RGS11: variants seen among roughly 807,000 people sequenced by gnomAD.
The protein encoded by RGS11 is regulator of G protein signaling 11.
A neutral mutation model predicts 71.1 loss-of-function variants in RGS11; 86 were observed. That is an observed-to-expected ratio of 1.21 (90% CI 1.02 to 1.45). The LOEUF (loss-of-function observed/expected upper bound fraction) is 1.45. Among genes scored for constraint, RGS11 ranks in the 40% most tolerant of loss-of-function variants. The pLI, the probability that RGS11 is intolerant of heterozygous loss-of-function variation, is 0.00. For missense variants in RGS11, 734 were observed against 635.1 expected, an observed-to-expected ratio of 1.16 and a Z score of -1.67; for synonymous variants, 298 against 254.2, an observed-to-expected ratio of 1.17 and a Z score of -1.64.
intron 9 of RGS11, chr16:272,135 C>T: frequency 1.8e-6 from 2 of 1,141,466 alleles, no homozygotes; most frequent in South Asian, 3.8e-5. Flanking sequence ...CGCGCCCGGC[C>T]TAATATGTCA....
rs1358356666 is a variant in RGS11 at position 272,727 on chromosome 16, G to A, written c.657+136C>T. The A allele has an allele frequency of 1.9e-5, 29 of 1,495,966 alleles. No homozygotes were observed. The South Asian group carries it at 2.6e-4, about 13-fold the overall frequency. The allele number at this position is 1,495,966 out of a possible 1,614,324, so 92.7% of individuals were successfully genotyped here. ...AACAGGGAGTGACCGGGAGTGAGCAGGGGCTTGGGGAGGCTGCACCAAGTG... is the reference window on the plus strand; with the variant it reads ...AACAGGGAGTGACCGGGAGTGAGCAAGGGCTTGGGGAGGCTGCACCAAGTG... On this transcript the variant is annotated intron_variant, in intron 9 of 16. Transcript: ENST00000397770.
intron 7 of RGS11, 34 bp from the exon 8 acceptor site, chr16:273,590 T>G (rs1567239457): frequency 1.9e-5 from 29 of 1,542,316 alleles, no homozygotes; most frequent in Non-Finnish European, 2.5e-5. Context: ...GGGCACGCCC[T>G]GCACACAGCA....
At chr16:272,489 C>T in intron 9 of RGS11, 8 of 1,348,158 alleles carry the variant, frequency 5.9e-6, no homozygotes, top group Non-Finnish European at 7.8e-6. Flanking sequence ...TTCTGGAGGC[C>T]TCCACCTGGA....
rs1313804713 is a variant in RGS11 at position 274,962 on chromosome 16, C to T, written c.318+14G>A. 2.6e-6 allele frequency: 4 copies of T among 1,541,782 alleles called. No individual in the cohort carries two copies. The highest frequency in any genetic ancestry group is 3.5e-6 in the Non-Finnish European group (4 of 1,142,256). ...GGGGTCCCACCGGCTCCCACCTGCA[C>T]CCCCGAGCCTGACCTGGAACCTGTA... On this transcript the variant is annotated intron_variant, in intron 4 of 16. Transcript: ENST00000397770.
rs2051999997 is a variant in RGS11 at position 272,891 on chromosome 16, C to A, written c.629G>T (p.Gly210Val). 2.0e-6 allele frequency: 3 copies of A among 1,536,418 alleles called. No homozygotes were observed. The highest frequency in any genetic ancestry group is 1.8e-6 in the Non-Finnish European group (2 of 1,140,144). The change falls in exon 9 of 17, where the codon GGA becomes GTA. Residue 210 changes from glycine to valine, a missense_variant. Gly to Val is a moderately radical substitution (Grantham distance 109, BLOSUM62 -3). Coordinates refer to ENST00000397770, the MANE Select transcript of RGS11 (RefSeq NM_183337.3). Reference sequence around the variant, plus strand: ...GAGCACACGGCTGGCAGCGCAGGATCCCCGCCCTGGACCCTGCTCCAGCAC... The same window carrying A: ...GAGCACACGGCTGGCAGCGCAGGATACCCGCCCTGGACCCTGCTCCAGCAC... ...PDVLEQGPGR[G>V]SCAASRVLMT...
rs113827075 is a variant in RGS11 at position 269,147 on chromosome 16, C to T, written c.*122G>A. 450 of 924,150 alleles carry T rather than the reference C, an allele frequency of 4.9e-4. No individual in the cohort carries two copies. In the African/African-American group the frequency reaches 6.6e-3, roughly 14 times the overall value. The allele number at this position is 924,150 out of a possible 1,614,324, so 57.2% of individuals were successfully genotyped here. A position where few individuals can be genotyped will look rare whatever the true frequency, so the allele number is the denominator to read the frequency against. On this transcript the variant is annotated 3_prime_UTR_variant, in exon 17 of 17. Coordinates refer to ENST00000397770, the MANE Select transcript of RGS11 (RefSeq NM_183337.3). ...CCCACAGAAGACTGGGCCCCCTGGG[C>T]ACAAGGGGACACTGGTGCTGGGTTC...
In RGS11 at chr16:274,049, A is replaced by T. The variant is rs761511711; in HGVS notation, c.423T>A (p.Tyr141Ter). Reference sequence around the variant, plus strand: ...GAAGGGTGGGGGGTCCCACCTTCTCATAATCCACCAGGGTCCCCCGTTTTC... The same window carrying T: ...GAAGGGTGGGGGGTCCCACCTTCTCTTAATCCACCAGGGTCCCCCGTTTTC... ...NIRKRGTLVD[Y>*]EKDCYDRLHK... The change falls in exon 6 of 17, where the codon TAT (tyrosine) becomes TAA (stop). Residue 141 changes from tyrosine (Y) to a stop codon, truncating the protein, a stop_gained. Transcript: ENST00000397770. LOFTEE classifies it high-confidence loss of function. 2 of 1,550,546 alleles carry T rather than the reference A, an allele frequency of 1.3e-6. No homozygotes were observed. Among genetic ancestry groups the T allele is most frequent in the Non-Finnish European group, 1.7e-6 (2 of 1,147,068 alleles).
chr16:273,359 C>T (rs2141418555), intron 8 of RGS11, 116 bp downstream of exon 8: 2 of 774,160 alleles, frequency 2.6e-6, no homozygotes, highest in South Asian at 3.6e-5. Context: ...CCACCAGGAG[C>T]TCCAAGGCAG....
At chr16:273,404 G>A (rs1235012059) in intron 8 of RGS11, 71 bp downstream of exon 8, 2 of 1,193,624 alleles carry the variant, frequency 1.7e-6, no homozygotes, top group African/African-American at 3.0e-5. Context: ...GGTCCTGAGA[G>A]CGCCTGTCAG....
rs570421943 is a variant in RGS11, at chr16:269,886, G to T, written c.1207-301C>A. ...GCGGGAACCAGGAATGGCTCCGTGT[G>T]CCCCACAGAGTGAGGGCAGGGTTGT... is the stretch of plus-strand genomic sequence containing the variant. On this transcript the variant is annotated intron_variant, in intron 15 of 16. Coordinates refer to ENST00000397770, the MANE Select transcript of RGS11 (RefSeq NM_183337.3). 201 of 346,864 alleles carry T rather than the reference G, an allele frequency of 5.8e-4. 2 individuals are homozygous for T. The South Asian group carries it at 7.8e-3, about 13-fold the overall frequency. 21.5% of individuals were successfully genotyped at this position (346,864 alleles called of 1,614,324 possible).
Position 268,560 on chromosome 16 carries a change from T to C in RGS11, c.*709A>G, listed in dbSNP as rs1026966195. 2.3e-5 allele frequency: 14 copies of C among 598,688 alleles called. No homozygotes were observed. The highest frequency in any genetic ancestry group is 4.2e-5 in the Non-Finnish European group (14 of 336,312). 37.1% of individuals were successfully genotyped at this position (598,688 alleles called of 1,614,324 possible). ...GAGGATCAGGGACGCCTGGCAAGGA[T>C]CCACCCTATGGAATCGGGCCTCGTC... is the stretch of plus-strand genomic sequence containing the variant. On this transcript the variant is annotated 3_prime_UTR_variant, in exon 17 of 17. Transcript: ENST00000397770.
At chr16:275,585 C>G (rs966378807) in intron 1 of RGS11, 87 bp from the exon 2 acceptor site, 1 of 1,189,248 alleles carries the variant, frequency 8.4e-7, no homozygotes. Context: ...GATCCGGGAG[C>G]GCGGAGATTA....
At chr16:272,523 G>A in intron 9 of RGS11, 1 of 1,388,470 alleles carries the variant, frequency 7.2e-7, no homozygotes. Context: ...ATCTGCTGAG[G>A]TCTGTCAGAG....
Position 273,766 on chromosome 16 carries a change from T to G in RGS11, c.500A>C (p.Gln167Pro). Residue 167 changes from glutamine to proline, a missense_variant, in exon 7 of 17, where the codon CAG (glutamine) becomes CCG (proline). Coordinates refer to ENST00000397770, the MANE Select transcript of RGS11 (RefSeq NM_183337.3). ...WDLVLMQARE[Q>P]LRAAKQRSKG... Reference sequence around the variant, plus strand: ...GGGCAGGGCGGGGCCTCACCTCAGCTGCTCCCTCGCCTGCATCAGCACCAG... The same window carrying G: ...GGGCAGGGCGGGGCCTCACCTCAGCGGCTCCCTCGCCTGCATCAGCACCAG... 1 of 1,612,584 alleles carries G rather than the reference T, an allele frequency of 6.2e-7. No individual in the cohort carries two copies. The highest frequency in any genetic ancestry group is 8.5e-7 in the Non-Finnish European group (1 of 1,179,746).
At chr16:273,859 T>G (rs767096594) in intron 6 of RGS11, 23 bp from the exon 7 acceptor site, 2 of 1,609,766 alleles carry the variant, frequency 1.2e-6, no homozygotes, top group Non-Finnish European at 1.7e-6. Context: ...AGGTTTCCAG[T>G]GGGTCACCCC....
At position 270,511 on chromosome 16, in the gene RGS11, C is replaced by T; in HGVS notation, c.1206+12G>A. 6.3e-7 allele frequency: 1 copy of T among 1,596,274 alleles called. No individual in the cohort carries two copies. The highest frequency in any genetic ancestry group is 2.3e-5 in the East Asian group (1 of 44,302). On this transcript the variant is annotated intron_variant, in intron 15 of 16. Transcript: ENST00000397770. ...GACCCCTCCTGCCCCTGCAGGCTGG[C>T]CCAGCACCCACCTTCTTCATGAGCA...
chr16:274,909 G>A (rs1288477648), intron 4 of RGS11, 67 bp downstream of exon 4: 4 of 1,371,218 alleles, frequency 2.9e-6, no homozygotes, highest in East Asian at 6.1e-5. Flanking sequence ...CTGTCTCCCC[G>A]AGTTGGTAAG....
In RGS11 at chr16:273,765, C is replaced by T; in HGVS notation, c.501G>A (p.Gln167=). 6.2e-7 allele frequency: 1 copy of T among 1,612,510 alleles called. No homozygotes were observed. Among genetic ancestry groups the T allele is most frequent in the South Asian group, 1.1e-5 (1 of 91,072 alleles). Residue 167 remains glutamine, a synonymous_variant, in exon 7 of 17, where the codon CAG becomes CAA. Transcript: ENST00000397770. ...WDLVLMQARE[Q]LRAAKQRSKG... is the part of the protein sequence containing the mutation. ...GGGGCAGGGCGGGGCCTCACCTCAGCTGCTCCCTCGCCTGCATCAGCACCA... is the reference window on the plus strand; with the variant it reads ...GGGGCAGGGCGGGGCCTCACCTCAGTTGCTCCCTCGCCTGCATCAGCACCA...
rs1000800389 is a variant in RGS11 at position 274,243 on chromosome 16, G to A, written c.341C>T (p.Thr114Ile). 2 of 1,611,164 alleles carry A rather than the reference G, an allele frequency of 1.2e-6. No homozygotes were observed. Among genetic ancestry groups the A allele is most frequent in the African/African-American group, 1.3e-5 (1 of 74,872 alleles). ...RFQTPYFWTSTLRPAAELDYA... is the reference protein window; with the variant it reads ...RFQTPYFWTSILRPAAELDYA... ...GTCCAGCTCTGCAGCCGGCCTCAGGGTACTTGTCCAGAAGTACGGGGTCTG... is the reference window on the plus strand; with the variant it reads ...GTCCAGCTCTGCAGCCGGCCTCAGGATACTTGTCCAGAAGTACGGGGTCTG... Residue 114 changes from threonine to isoleucine, a missense_variant, in exon 5 of 17, where the codon ACC becomes ATC. Physicochemically the swap from Thr to Ile is moderately conservative, Grantham distance 89. Transcript: ENST00000397770.
Sources: allele counts gnomAD v4.1 joint callset, GRCh38; gene constraint gnomAD v4.1.1; transcripts MANE v1.5; gene names NCBI Gene and HGNC (gene_info 2026-07-23, HGNC 2026-07-21).